The following BEND5 variants were observed in gnomAD, a reference collection of about 807,000 sequenced individuals.
BEND5 encodes the protein BEN domain-containing protein 5.
Under a neutral mutation model 43.9 loss-of-function variants are expected in BEND5, and 22 were observed. The observed-to-expected ratio is 0.50, with a 90% CI of 0.36 to 0.72. The LOEUF (loss-of-function observed/expected upper bound fraction) is 0.72. Ranked by LOEUF, BEND5 falls within the 30% of genes least tolerant of loss-of-function variation. The pLI is 0.00. For synonymous variants in BEND5, 228 were observed against 225.9 expected (o/e 1.01, Z -0.08); for missense variants, 428 against 550.6 (o/e 0.78, Z 2.23).
chr1:48,768,215 C>G (rs1644628112), intron 1 of BEND5, among the ~76,000 whole-genome samples: 1 of 152,116 alleles, frequency 6.6e-6, no homozygotes, highest in South Asian at 2.1e-4. Flanking sequence ...AAAGTGCCTG[C>G]CTTTCTCCCA....
intron 3 of BEND5, among the ~76,000 whole-genome samples, chr1:48,751,602 C>T (rs1359394148): frequency 3.3e-5 from 5 of 152,192 alleles, no homozygotes; most frequent in African/African-American, 1.2e-4. Flanking sequence ...CAGGCTTTGC[C>T]TGTAATGAAC....
At chr1:48,757,990 T>C (rs1274834590) in intron 3 of BEND5, among the ~76,000 whole-genome samples, 1 of 152,212 alleles carries the variant, frequency 6.6e-6, no homozygotes, top group African/African-American at 2.4e-5. Context: ...AGCATTTTTC[T>C]GTCTTTTTCT....
At chr1:48,749,027 G>A (rs367882702) in intron 3 of BEND5, among the ~76,000 whole-genome samples, 13 of 152,164 alleles carry the variant, frequency 8.5e-5, no homozygotes, top group African/African-American at 2.6e-4. Context: ...AAATGGATCC[G>A]AGAGAGCCCC....
chr1:48,772,299 G>C (rs1318103304), intron 1 of BEND5, among the ~76,000 whole-genome samples: 1 of 152,236 alleles, frequency 6.6e-6, no homozygotes, highest in Non-Finnish European at 1.5e-5. Flanking sequence ...GGGAGGAATA[G>C]GGACTACCAC....
chr1:48,733,267 T>C (rs1265328850), intron 5 of BEND5, among the ~76,000 whole-genome samples: 1 of 152,136 alleles, frequency 6.6e-6, no homozygotes, highest in Non-Finnish European at 1.5e-5. Context: ...GGAGCATAAC[T>C]GAAGGAACAA....
intron 5 of BEND5, among the ~76,000 whole-genome samples, chr1:48,733,474 G>C (rs753468723): frequency 1.2e-4 from 19 of 152,268 alleles, no homozygotes; most frequent in Middle Eastern, 6.8e-3. Context: ...CTCTTTGATT[G>C]ATGCGAACTA....
chr1:48,758,092 C>T (rs895633179), intron 3 of BEND5, among the ~76,000 whole-genome samples: 4 of 152,168 alleles, frequency 2.6e-5, no homozygotes, highest in Non-Finnish European at 1.5e-5. Flanking sequence ...ATCAGAAAAC[C>T]TGATTAGTTA....
At chr1:48,771,691 A>C (rs1557976169) in intron 1 of BEND5, among the ~76,000 whole-genome samples, 1 of 152,228 alleles carries the variant, frequency 6.6e-6, no homozygotes, top group Admixed American at 6.5e-5. Context: ...ATGACACGCA[A>C]CAATCTTTGC....
chr1:48,749,701 T>C (rs1050833493), intron 3 of BEND5, among the ~76,000 whole-genome samples: 1 of 152,172 alleles, frequency 6.6e-6, no homozygotes, highest in Non-Finnish European at 1.5e-5. Flanking sequence ...GAATAGGTTG[T>C]CACCTCTAGA....
intron 1 of BEND5, among the ~76,000 whole-genome samples, chr1:48,775,035 T>A (rs1645009668): frequency 6.6e-6 from 1 of 152,218 alleles, no homozygotes; most frequent in African/African-American, 2.4e-5. Flanking sequence ...AAGCCTATCG[T>A]CTTGGGAAAT....
intron 2 of BEND5, 77 bp downstream of exon 2, chr1:48,761,260 C>T: frequency 1.4e-6 from 2 of 1,420,290 alleles, no homozygotes. Flanking sequence ...GGAGAGGAAG[C>T]CAGACTGAAA....
chr1:48,769,526 AACACACAC>A (rs558937968), intron 1 of BEND5, among the ~76,000 whole-genome samples: 3,357 of 130,286 alleles, frequency 0.026, 61 homozygotes, highest in Middle Eastern at 0.088. Flanking sequence ...GAGGATTTAA[AACACACAC>A]ACACACACAC....
At chr1:48,776,492 G>T in intron 1 of BEND5, 114 bp downstream of exon 1, 2 of 769,344 alleles carry the variant, frequency 2.6e-6, no homozygotes, top group East Asian at 3.4e-5. Context: ...GGAGAAGGAG[G>T]CAGGAAGGAG....
chr1:48,729,002 G>T (rs1489026352), intron 5 of BEND5, among the ~76,000 whole-genome samples: 1 of 152,164 alleles, frequency 6.6e-6, no homozygotes, highest in Non-Finnish European at 1.5e-5. Flanking sequence ...TCCAGACAAG[G>T]TCTGGCTGGA....
chr1:48,744,133 C>T (rs1188873746), intron 3 of BEND5, among the ~76,000 whole-genome samples: 2 of 152,108 alleles, frequency 1.3e-5, no homozygotes, highest in Non-Finnish European at 2.9e-5. Context: ...AGCGAAGGAC[C>T]AATAGCATCA....
intron 3 of BEND5, 27 bp downstream of exon 3, chr1:48,758,873 T>A: frequency 6.8e-7 from 1 of 1,469,708 alleles, no homozygotes. Flanking sequence ...CCAAGTGGAG[T>A]GGTAGGTGAC....
intron 3 of BEND5, among the ~76,000 whole-genome samples, chr1:48,749,309 T>C (rs1404799858): frequency 1.3e-5 from 2 of 152,154 alleles, no homozygotes; most frequent in Admixed American, 1.3e-4. Flanking sequence ...GACTAGAACA[T>C]AAACACCGAG....
intron 3 of BEND5, 115 bp from the exon 4 acceptor site, chr1:48,742,886 T>C: frequency 3.7e-6 from 4 of 1,082,504 alleles, no homozygotes; most frequent in Non-Finnish European, 5.0e-6. Flanking sequence ...AGCTTATTTT[T>C]GTCCATTGAA....
intron 3 of BEND5, 82 bp from the exon 4 acceptor site, chr1:48,742,853 C>A: frequency 7.4e-7 from 1 of 1,346,598 alleles, no homozygotes; most frequent in Non-Finnish European, 9.8e-7. Context: ...TCTATCAGCA[C>A]ACCATGGCAC....
Sources: gnomAD v4.1 joint callset for allele counts (sites outside exome capture counted in the v4.1 genomes callset) on GRCh38, gnomAD v4.1.1 for gene constraint, MANE v1.5 for transcripts, NCBI Gene and HGNC (gene_info 2026-07-23, HGNC 2026-07-21) for gene names.